AHDC1: variants seen among roughly 807,000 people sequenced by gnomAD.
AHDC1 encodes the protein transcription factor Gibbin.
AHDC1 carries 7 observed loss-of-function variants against 87.9 expected under a neutral mutation model. The ratio of observed to expected loss-of-function variants is 0.08; its 90% CI spans 0.05 to 0.15. The LOEUF (loss-of-function observed/expected upper bound fraction) is 0.15, where lower values mean the gene tolerates loss of function less well. Ranked by LOEUF, AHDC1 falls within the 10% of genes least tolerant of loss-of-function variation. The probability of loss-of-function intolerance (pLI) is 1.00; values close to 1 mark genes in which losing one functional copy is unlikely to be tolerated. For synonymous variants in AHDC1, 1,051 were observed against 1,006.8 expected (o/e 1.04, Z -0.83); for missense variants, 1,841 against 2,253.2 (o/e 0.82, Z 3.70).
At chr1:27,583,452 A>G (rs1336812980) in intron 3 of AHDC1, among the ~76,000 whole-genome samples, 1 of 151,942 alleles carries the variant, frequency 6.6e-6, no homozygotes, top group Admixed American at 6.5e-5. Flanking sequence ...CCCTGAGCTC[A>G]TGTCTTGTTG....
intron 3 of AHDC1, among the ~76,000 whole-genome samples, chr1:27,601,840 C>CCGGGCACATGCCGCCGCA (rs2089535740): frequency 6.6e-6 from 1 of 152,162 alleles, no homozygotes; most frequent in Non-Finnish European, 1.5e-5. Flanking sequence ...CTGCCCAGGC[C>CCGGGCACATGCCGCCGCA]CGGGCACATG....
In AHDC1 at chr1:27,561,395, T is replaced by C. The variant is rs1396505792; in HGVS notation, c.-628-2512A>G. 1.3e-5 allele frequency among the ~76,000 whole-genome samples: 2 copies of C among 152,088 alleles called. No individual in the cohort carries two copies. The highest frequency in any genetic ancestry group is 4.8e-5 in the African/African-American group (2 of 41,404). On this transcript the variant is annotated intron_variant, in intron 3 of 8. Transcript: ENST00000673934. This position sits in a 1 kb window ranked among gnomAD's most constrained non-coding sequence, Gnocchi z 4.2. ...TGCCCTTAGCCCCTCCACAACCTGA[T>C]ACTCCCCAGCAGATAAACGTCAGGC...
At chr1:27,588,859 G>A (rs925985745) in intron 3 of AHDC1, among the ~76,000 whole-genome samples, 3 of 152,144 alleles carry the variant, frequency 2.0e-5, no homozygotes, top group Non-Finnish European at 2.9e-5. Flanking sequence ...ACAGGATGCC[G>A]TGTGTGTACA....
rs1246711845 is a variant in AHDC1 at position 27,595,296 on chromosome 1, G to A, written c.-629+8101C>T. On this transcript the variant is annotated intron_variant, in intron 3 of 8. Transcript: ENST00000673934. This position sits in a 1 kb window ranked among gnomAD's most constrained non-coding sequence, Gnocchi z 4.0. ...GTGCTGAGCTATAGCTGGGAGAAACGTTGGGGGCTGTGGGCAGAGTGTGTG... is the reference window on the plus strand; with the variant it reads ...GTGCTGAGCTATAGCTGGGAGAAACATTGGGGGCTGTGGGCAGAGTGTGTG... Among the ~76,000 whole-genome samples the A allele has an allele frequency of 2.0e-5, 3 of 152,010 alleles. No individual in the cohort carries two copies. Among genetic ancestry groups the A allele is most frequent in the Non-Finnish European group, 4.4e-5 (3 of 67,958 alleles).
At chr1:27,541,308 A>ATTTTTAT (rs376453877) in intron 8 of AHDC1, among the ~76,000 whole-genome samples, 4 of 151,798 alleles carry the variant, frequency 2.6e-5, no homozygotes, top group Non-Finnish European at 5.9e-5. Context: ...CATGTGGAGG[A>ATTTTTAT]TTTTTATTTT....
chr1:27,542,541 C>T (rs563462726), intron 8 of AHDC1, among the ~76,000 whole-genome samples: 4 of 152,368 alleles, frequency 2.6e-5, no homozygotes, highest in African/African-American at 9.6e-5. Flanking sequence ...CCGCTGACTA[C>T]GTGCTCACTG....
intron 3 of AHDC1, among the ~76,000 whole-genome samples, chr1:27,581,293 C>G (rs1277346331): frequency 2.0e-5 from 3 of 151,972 alleles, no homozygotes; most frequent in Non-Finnish European, 4.4e-5. Context: ...TCACACCTGG[C>G]TACTTAATTT....
intron 3 of AHDC1, among the ~76,000 whole-genome samples, chr1:27,601,069 TC>T (rs2089517664): frequency 6.6e-6 from 1 of 152,190 alleles, no homozygotes; most frequent in African/African-American, 2.4e-5. Context: ...AAGCTCTTTT[TC>T]TTTATGACAC....
At chr1:27,575,524 C>G (rs2148415931) in intron 3 of AHDC1, among the ~76,000 whole-genome samples, 1 of 152,212 alleles carries the variant, frequency 6.6e-6, no homozygotes, top group Middle Eastern at 3.4e-3. Flanking sequence ...CGCCCCTGCC[C>G]GAGCTGCGCG....
At chr1:27,602,067 G>A (rs969974307) in intron 3 of AHDC1, among the ~76,000 whole-genome samples, 4 of 152,108 alleles carry the variant, frequency 2.6e-5, no homozygotes, top group African/African-American at 7.2e-5. Flanking sequence ...GGTACAGTCC[G>A]GCCCTGCCTC....
intron 3 of AHDC1, among the ~76,000 whole-genome samples, chr1:27,585,588 C>T (rs951715768): frequency 6.6e-6 from 1 of 152,200 alleles, no homozygotes; most frequent in Non-Finnish European, 1.5e-5. Context: ...GACAAAGCCC[C>T]TGTTCCAAAC....
In AHDC1 at chr1:27,551,892, G is replaced by T. The variant is rs1488408287; in HGVS notation, c.224C>A (p.Pro75Gln). The change falls in exon 8 of 9, where the codon CCA becomes CAA. Residue 75 changes from proline to glutamine, a missense_variant. Physicochemically the swap from Pro to Gln is moderately conservative, Grantham distance 76. Around this residue, in one of 13 missense-constraint regions of AHDC1, gnomAD observed 142 missense variants for 165.6 expected, o/e 0.86. Transcript: ENST00000673934. ...PRRDPSTRRP[P>Q]VLAKGDDPLP... Reference sequence around the variant, plus strand: ...CGGGTCGTCCCCCTTGGCAAGGACTGGTGGGCGCCGGGTGCTGGGGTCCCG... The same window carrying T: ...CGGGTCGTCCCCCTTGGCAAGGACTTGTGGGCGCCGGGTGCTGGGGTCCCG... The T allele has an allele frequency of 1.2e-6, 2 of 1,601,062 alleles. No individual in the cohort carries two copies. Among genetic ancestry groups the T allele is most frequent in the Non-Finnish European group, 1.7e-6 (2 of 1,172,822 alleles).
Position 27,551,744 on chromosome 1 carries a change from C to A in AHDC1, c.372G>T (p.Leu124=). ...GTGTCAGGTCCTTCATGATGTCAAT[C>A]AGCTGCACCACTGGTCGCAGGTTCA... ...GRVNLRPVVQ[L]IDIMKDLTRL... Residue 124 remains leucine (L), a synonymous_variant, in exon 8 of 9, where the codon CTG becomes CTT. Transcript: ENST00000673934. 1 of 1,613,766 alleles carries A rather than the reference C, an allele frequency of 6.2e-7. No homozygotes were observed. The highest frequency in any genetic ancestry group is 2.2e-5 in the East Asian group (1 of 44,850).
Position 27,550,397 on chromosome 1 carries a change from A to G in AHDC1, c.1719T>C (p.Thr573=), listed in dbSNP as rs1314481886. 5 of 1,612,344 alleles carry G rather than the reference A, an allele frequency of 3.1e-6. No homozygotes were observed. The highest frequency in any genetic ancestry group is 4.2e-6 in the Non-Finnish European group (5 of 1,178,992). ...GCATGGCCATGGTGGCCGCTGCCAC[A>G]GTGGCTGCCTCGGCCGCCACCACAG... ...EPAVVAAEAA[T]VAAATMAMPE... is the part of the protein sequence containing the mutation. Residue 573 remains threonine (T), a synonymous_variant, in exon 8 of 9, where the codon ACT becomes ACC. Coordinates refer to ENST00000673934, the MANE Select transcript of AHDC1 (RefSeq NM_001371928.1).
chr1:27,574,769 TCCCCTG>T (rs1293829898), intron 3 of AHDC1, among the ~76,000 whole-genome samples: 2 of 152,078 alleles, frequency 1.3e-5, no homozygotes, highest in African/African-American at 2.4e-5. Context: ...AAGCGTCCCT[TCCCCTG>T]CCCAACAAAG....
chr1:27,572,858 A>AC (rs1242063764), intron 3 of AHDC1, among the ~76,000 whole-genome samples: 2 of 152,138 alleles, frequency 1.3e-5, no homozygotes, highest in Non-Finnish European at 2.9e-5. Flanking sequence ...GGAGACACCA[A>AC]CCCATGAGCT....
chr1:27,556,537 A>G (rs956151184), intron 5 of AHDC1, among the ~76,000 whole-genome samples: 1 of 151,972 alleles, frequency 6.6e-6, no homozygotes, highest in African/African-American at 2.4e-5. Context: ...CTGCCCACAC[A>G]GTAACACCTG....
In AHDC1 at chr1:27,551,192, C is replaced by T; in HGVS notation, c.924G>A (p.Gly308=). 1.2e-6 allele frequency: 2 copies of T among 1,610,146 alleles called. No homozygotes were observed. Among genetic ancestry groups the T allele is most frequent in the African/African-American group, 2.7e-5 (2 of 74,992 alleles). The part of the protein sequence containing the change: ...PPLQPLADPL[G]LPGLALQALD... ...GGGCCTGGAGAGCCAGGCCCGGCAG[C>T]CCCAGAGGATCAGCAAGAGGTTGCA... Residue 308 remains glycine (G), a synonymous_variant, in exon 8 of 9, where the codon GGG becomes GGA. Transcript: ENST00000673934.
chr1:27,536,021 G>A (rs986398220), intron 8 of AHDC1, among the ~76,000 whole-genome samples: 3 of 152,020 alleles, frequency 2.0e-5, no homozygotes, highest in African/African-American at 4.8e-5. Flanking sequence ...CCCTCAGTGT[G>A]CGACCATCTC....
Sources: allele counts gnomAD v4.1 joint callset (sites outside exome capture counted in the v4.1 genomes callset), GRCh38; gene constraint gnomAD v4.1.1; regional missense constraint gnomAD v4.1.1; non-coding constraint Gnocchi (gnomAD v3.1); transcripts MANE v1.5; gene names NCBI Gene and HGNC (gene_info 2026-07-23, HGNC 2026-07-21).